Variants in MICU3 observed in about 807,000 individuals in gnomAD.
The protein encoded by MICU3 is mitochondrial calcium uptake 3, also known as calcium uptake protein 3, mitochondrial.
Under a neutral mutation model 66.5 loss-of-function variants are expected in MICU3, and 62 were observed. The observed-to-expected ratio is 0.93, with a 90% CI of 0.76 to 1.15. MICU3 has a LOEUF of 1.15. Ranked by LOEUF, MICU3 falls within the 50% of genes most tolerant of loss-of-function variation. MICU3 has a pLI of 0.00. For synonymous variants in MICU3, 308 were observed against 240.7 expected (o/e 1.28, Z -2.59); for missense variants, 779 against 664.4 (o/e 1.17, Z -1.90).
At chr8:17,087,893 C>T (rs1207299764) in intron 7 of MICU3, among the ~76,000 whole-genome samples, 1 of 151,980 alleles carries the variant, frequency 6.6e-6, no homozygotes, top group Admixed American at 6.6e-5. Context: ...ATTTTGTTGG[C>T]ATGTAAATGA....
At chr8:17,073,106 G>T (rs2150685284) in intron 3 of MICU3, among the ~76,000 whole-genome samples, 1 of 152,144 alleles carries the variant, frequency 6.6e-6, no homozygotes, top group East Asian at 1.9e-4. Flanking sequence ...ACCCAGGCTG[G>T]GGTATATTTA....
At chr8:17,091,604 T>G (rs1284955107) in intron 8 of MICU3, among the ~76,000 whole-genome samples, 1 of 152,048 alleles carries the variant, frequency 6.6e-6, no homozygotes, top group African/African-American at 2.4e-5. Context: ...ATATTTTTCC[T>G]CATTATACAA....
chr8:17,032,976 G>T (rs375892415), intron 1 of MICU3, among the ~76,000 whole-genome samples: 7 of 152,158 alleles, frequency 4.6e-5, no homozygotes, highest in African/African-American at 1.7e-4. Flanking sequence ...ACCCATATAA[G>T]ACAGCAAAGA....
intron 1 of MICU3, among the ~76,000 whole-genome samples, chr8:17,028,958 G>C (rs946311107): frequency 6.6e-6 from 1 of 152,114 alleles, no homozygotes. Context: ...TACTTTTACA[G>C]TTGAGAGATG....
At chr8:17,077,576 A>T (rs2150706355) in intron 3 of MICU3, among the ~76,000 whole-genome samples, 1 of 152,290 alleles carries the variant, frequency 6.6e-6, no homozygotes, top group South Asian at 2.1e-4. Flanking sequence ...AATTTAATGT[A>T]GCCTCTTCAT....
Position 17,116,702 on chromosome 8 carries a change from T to G in MICU3, c.1524+102T>G, listed in dbSNP as rs542828398. ...AATTTATCTTAATTTCTTAAGGATA[T>G]AAACATGAATGCTTTATTTGAAAAG... On this transcript the variant is annotated intron_variant, in intron 13 of 14. Transcript: ENST00000318063. 1.2e-5 allele frequency: 10 copies of G among 849,632 alleles called. 1 individual carries two copies. The Middle Eastern group carries it at 1.5e-3, about 125-fold the overall frequency. The allele number at this position is 849,632 out of a possible 1,614,324, so 52.6% of individuals were successfully genotyped here.
intron 5 of MICU3, among the ~76,000 whole-genome samples, chr8:17,082,299 C>G (rs775929877): frequency 2.0e-5 from 3 of 152,068 alleles, no homozygotes; most frequent in Non-Finnish European, 4.4e-5. Context: ...GAATTGCCGC[C>G]TCAGGGATTT....
At chr8:17,047,064 T>C (rs1214650975) in intron 1 of MICU3, among the ~76,000 whole-genome samples, 1 of 152,208 alleles carries the variant, frequency 6.6e-6, no homozygotes, top group Non-Finnish European at 1.5e-5. Context: ...CAAGAGTCAG[T>C]AAACTGAATG....
chr8:17,064,734 A>G (rs1164131086), intron 2 of MICU3, among the ~76,000 whole-genome samples: 2 of 152,206 alleles, frequency 1.3e-5, no homozygotes, highest in Admixed American at 1.3e-4. Context: ...TTAACAGAAG[A>G]CAGCTGTATT....
chr8:17,134,695 T>C, the MICU3 span, among the ~76,000 whole-genome samples: 116 of 152,290 alleles, frequency 7.6e-4, no homozygotes, highest in Non-Finnish European at 1.2e-3. Context: ...CCGCCCGCCT[T>C]GGCCTCCCAA....
At chr8:17,059,663 A>G (rs1362632611) in intron 1 of MICU3, among the ~76,000 whole-genome samples, 4 of 152,222 alleles carry the variant, frequency 2.6e-5, no homozygotes, top group Non-Finnish European at 5.9e-5. Context: ...AAGCAAATAC[A>G]CTAAAGTTAA....
At chr8:17,067,701 A>C (rs901275224) in intron 2 of MICU3, among the ~76,000 whole-genome samples, 23 of 152,158 alleles carry the variant, frequency 1.5e-4, no homozygotes, top group African/African-American at 5.5e-4. Flanking sequence ...CGGCCTCCAA[A>C]GGGGTGCAAT....
chr8:17,120,857 G>A lies in MICU3; in HGVS notation c.*570G>A, dbSNP rs557016903. 8 of 152,374 alleles carry A rather than the reference G, an allele frequency of 5.3e-5. No individual in the cohort carries two copies. The highest frequency in any genetic ancestry group is 3.9e-4 in the East Asian group (2 of 5,182). 9.4% of individuals were successfully genotyped at this position (152,374 alleles called of 1,614,324 possible). Reference sequence around the variant, plus strand: ...GCTACTATATAAAACAATTGTTTACGTGTACTTTTAACTTTTAAAAGTACT... The same window carrying A: ...GCTACTATATAAAACAATTGTTTACATGTACTTTTAACTTTTAAAAGTACT... On this transcript the variant is annotated 3_prime_UTR_variant, in exon 15 of 15. Coordinates refer to ENST00000318063, the MANE Select transcript of MICU3 (RefSeq NM_181723.3).
At chr8:17,091,078 C>T (rs1452803859) in intron 8 of MICU3, among the ~76,000 whole-genome samples, 1 of 152,032 alleles carries the variant, frequency 6.6e-6, no homozygotes, top group Non-Finnish European at 1.5e-5. Flanking sequence ...CTCTGCTCTA[C>T]ACAAAAATCT....
At chr8:17,054,401 G>T (rs1816575609) in intron 1 of MICU3, among the ~76,000 whole-genome samples, 1 of 152,146 alleles carries the variant, frequency 6.6e-6, no homozygotes, top group African/African-American at 2.4e-5. Flanking sequence ...ATATGTATTT[G>T]CAGGGAGTTT....
At chr8:17,049,670 T>G in intron 1 of MICU3, 2 of 515,048 alleles carry the variant, frequency 3.9e-6, no homozygotes, top group Admixed American at 1.9e-5. Context: ...TAACAAGTTG[T>G]GTAATGTGAA....
chr8:17,049,656 A>G (rs1381574653), intron 1 of MICU3: 2 of 517,168 alleles, frequency 3.9e-6, no homozygotes, highest in Non-Finnish European at 7.7e-6. Context: ...CTTTCATTCC[A>G]ATATAACAAG....
chr8:17,092,899 T>A (rs571621745), intron 8 of MICU3, among the ~76,000 whole-genome samples: 8 of 152,176 alleles, frequency 5.3e-5, no homozygotes, highest in African/African-American at 1.9e-4. Context: ...GGATATAAAC[T>A]AAGAGATTTA....
chr8:17,084,623 AAG>A (rs1799262144), intron 5 of MICU3, among the ~76,000 whole-genome samples: 1 of 152,122 alleles, frequency 6.6e-6, no homozygotes, highest in Non-Finnish European at 1.5e-5. Flanking sequence ...GAAAAGGAGA[AAG>A]AGATTGAACC....
Sources: gnomAD v4.1 joint callset for allele counts (sites outside exome capture counted in the v4.1 genomes callset) on GRCh38, gnomAD v4.1.1 for gene constraint, MANE v1.5 for transcripts, NCBI Gene and HGNC (gene_info 2026-07-23, HGNC 2026-07-21) for gene names.